Variants in XCR1 observed in about 807,000 individuals in gnomAD.
XCR1 encodes the protein chemokine XC receptor 1.
For synonymous variants in XCR1, 187 were observed against 188.5 expected (o/e 0.99, Z 0.06); for missense variants, 356 against 424.2 (o/e 0.84, Z 1.41).
chr3:46,063,794 T>C (rs1698010920), intron 4 of XCR1, among the ~76,000 whole-genome samples: 1 of 152,236 alleles, frequency 6.6e-6, no homozygotes, highest in Admixed American at 6.5e-5. Flanking sequence ...CTCCTAAACA[T>C]GTAATCCTCT....
chr3:46,021,228 G>C lies in XCR1; in HGVS notation c.720C>G (p.Pro240=). Residue 240 remains proline (P), a synonymous_variant, in exon 2 of 2, where the codon CCC becomes CCG. Coordinates refer to ENST00000309285, the MANE Select transcript of XCR1 (RefSeq NM_001024644.2). This position sits in a 1 kb window ranked among gnomAD's most constrained non-coding sequence, Gnocchi z 4.7. ...TCTGCAGAAACAGGGTGAAGTTGTAGGGACCCCAGCTGAGGAAGTAGGCCA... is the reference window on the plus strand; with the variant it reads ...TCTGCAGAAACAGGGTGAAGTTGTACGGACCCCAGCTGAGGAAGTAGGCCA... ...IVVAYFLSWG[P]YNFTLFLQTL... is the part of the protein sequence containing the mutation. 1 of 1,614,212 alleles carries C rather than the reference G, an allele frequency of 6.2e-7. No homozygotes were observed. The highest frequency in any genetic ancestry group is 8.5e-7 in the Non-Finnish European group (1 of 1,180,036).
intron 4 of XCR1, among the ~76,000 whole-genome samples, chr3:46,062,959 A>C (rs1697993721): frequency 6.6e-6 from 1 of 152,194 alleles, no homozygotes; most frequent in African/African-American, 2.4e-5. Context: ...GAAATCAGCC[A>C]AAGTGGAAGT....
At chr3:46,031,138 C>T (rs68087193), upstream of XCR1, among the ~76,000 whole-genome samples, 30,323 of 152,190 alleles carry the variant, frequency 0.2, 4,428 homozygotes, top group African/African-American at 0.4. Context: ...CCAGGCACAA[C>T]TGCAGCTGCT....
At chr3:46,058,048 T>TGAG (rs1272589987) in intron 4 of XCR1, among the ~76,000 whole-genome samples, 1 of 152,164 alleles carries the variant, frequency 6.6e-6, no homozygotes, top group Non-Finnish European at 1.5e-5. Context: ...GTTTCTCTAG[T>TGAG]GAAAGCCTGA....
intron 4 of XCR1, among the ~76,000 whole-genome samples, chr3:46,058,963 G>A (rs75982458): frequency 6.6e-6 from 1 of 152,308 alleles, no homozygotes; most frequent in African/African-American, 2.4e-5. Flanking sequence ...GGAAGGTGGG[G>A]TCATTACATC....
intron 3 of XCR1, among the ~76,000 whole-genome samples, chr3:46,069,200 C>T (rs968827762): frequency 1.3e-5 from 2 of 150,298 alleles, no homozygotes; most frequent in African/African-American, 2.5e-5. Context: ...CAAGAATCTA[C>T]AAAAAGAAGA....
chr3:46,046,255 C>T (rs2125898561), intron 5 of XCR1, among the ~76,000 whole-genome samples: 1 of 152,302 alleles, frequency 6.6e-6, no homozygotes, highest in East Asian at 1.9e-4. Context: ...CAGGGGGCAC[C>T]TTGCCTCTAG....
intron 4 of XCR1, among the ~76,000 whole-genome samples, chr3:46,063,733 C>T (rs537739622): frequency 2.0e-5 from 3 of 152,300 alleles, no homozygotes; most frequent in Admixed American, 6.5e-5. Context: ...AACTCTCTCA[C>T]GTCCCCCTTC....
chr3:46,075,731 G>A (rs1251483873), intron 2 of XCR1, among the ~76,000 whole-genome samples: 1 of 151,950 alleles, frequency 6.6e-6, no homozygotes, highest in East Asian at 1.9e-4. Context: ...TTAAAAAATA[G>A]GAAATGACTT....
chr3:46,079,948 C>T (rs1487774932), intron 1 of XCR1, among the ~76,000 whole-genome samples: 2 of 152,138 alleles, frequency 1.3e-5, no homozygotes, highest in Admixed American at 6.5e-5. Flanking sequence ...AGAAGATCCA[C>T]ACTTTAGCCA....
intron 2 of XCR1, among the ~76,000 whole-genome samples, chr3:46,076,577 G>GAAA (rs3053293): frequency 2.2e-5 from 3 of 135,852 alleles, no homozygotes; most frequent in Non-Finnish European, 3.2e-5. Flanking sequence ...CCATTATTTT[G>GAAA]AAAAAAAAAA....
intron 1 of XCR1, among the ~76,000 whole-genome samples, chr3:46,084,197 C>T (rs1267331110): frequency 6.6e-6 from 1 of 152,136 alleles, no homozygotes; most frequent in Admixed American, 6.5e-5. Flanking sequence ...GTCTCCACTC[C>T]CCCATGTGGG....
At chr3:46,048,959 C>A (rs1337482655) in intron 5 of XCR1, among the ~76,000 whole-genome samples, 1 of 152,076 alleles carries the variant, frequency 6.6e-6, no homozygotes, top group Non-Finnish European at 1.5e-5. Context: ...GGTTATAGCC[C>A]AAAGCTGCAA....
At position 46,067,393 on chromosome 3, in the gene XCR1, T is replaced by A. The variant is rs550535917; in HGVS notation, c.-262-415A>T. On this transcript the variant is annotated intron_variant, in intron 3 of 5. Coordinates refer to the XCR1 transcript ENST00000683768. ...ATCAGGGGGTTCAGTGTGGGTGAGGTGCATGGTGTAAGAGGCAGGAACATC... is the reference window on the plus strand; with the variant it reads ...ATCAGGGGGTTCAGTGTGGGTGAGGAGCATGGTGTAAGAGGCAGGAACATC... Among the ~76,000 whole-genome samples, 23 of 152,154 alleles carry A rather than the reference T, an allele frequency of 1.5e-4. No homozygotes were observed. The South Asian group carries it at 4.8e-3, about 32-fold the overall frequency.
chr3:46,057,652 C>T (rs1474886043), intron 4 of XCR1, among the ~76,000 whole-genome samples: 1 of 152,098 alleles, frequency 6.6e-6, no homozygotes, highest in Non-Finnish European at 1.5e-5. Flanking sequence ...TCCTAATACT[C>T]TAGGAGGCCC....
intron 4 of XCR1, among the ~76,000 whole-genome samples, chr3:46,063,060 G>T (rs1697995714): frequency 6.6e-6 from 1 of 152,214 alleles, no homozygotes; most frequent in Non-Finnish European, 1.5e-5. Flanking sequence ...TGAATGGAAG[G>T]TTATCATTTT....
At chr3:46,061,129 G>C (rs865950034) in intron 4 of XCR1, among the ~76,000 whole-genome samples, 1 of 152,178 alleles carries the variant, frequency 6.6e-6, no homozygotes, top group Non-Finnish European at 1.5e-5. Flanking sequence ...GGGGGGAATG[G>C]GAGGAAAGCA....
Position 46,023,414 on chromosome 3 carries a change from A to G in XCR1, c.-31-1436T>C, listed in dbSNP as rs536993061. 783 of 1,467,660 alleles carry G rather than the reference A, an allele frequency of 5.3e-4. 2 individuals carry two copies. Among genetic ancestry groups the G allele is most frequent in the Non-Finnish European group, 7.2e-4 (754 of 1,050,756 alleles). 90.9% of individuals were successfully genotyped at this position (1,467,660 alleles called of 1,614,324 possible). A position where few individuals can be genotyped will look rare whatever the true frequency, so the allele number is the denominator to read the frequency against. On this transcript the variant is annotated intron_variant, in intron 1 of 1. Transcript: ENST00000309285. Reference sequence around the variant, plus strand: ...TCTTGTCACAAAAAGGCTGCGGCATATCTTTCTGAAGCCATGAAGCTGACA... The same window carrying G: ...TCTTGTCACAAAAAGGCTGCGGCATGTCTTTCTGAAGCCATGAAGCTGACA...
At chr3:46,059,915 C>G (rs1464271420) in intron 4 of XCR1, among the ~76,000 whole-genome samples, 1 of 152,150 alleles carries the variant, frequency 6.6e-6, no homozygotes, top group East Asian at 1.9e-4. Flanking sequence ...TAACCTTTTC[C>G]CTGGAACAGG....
Sources: allele counts gnomAD v4.1 joint callset (sites outside exome capture counted in the v4.1 genomes callset), GRCh38; gene constraint gnomAD v4.1.1; non-coding constraint Gnocchi (gnomAD v3.1); transcripts MANE v1.5; gene names NCBI Gene and HGNC (gene_info 2026-07-23, HGNC 2026-07-21).